Variants in STX5 observed in about 807,000 individuals in gnomAD.
STX5 encodes the protein syntaxin-5.
In STX5, 15 loss-of-function variants were observed where a neutral mutation model predicts 42.9. The ratio of observed to expected loss-of-function variants is 0.35; its 90% CI spans 0.23 to 0.54. STX5 has a LOEUF of 0.54. Among genes scored for constraint, STX5 ranks in the 20% least tolerant of loss-of-function variants. The pLI is 0.91. For synonymous variants in STX5, 184 were observed against 173.2 expected, an observed-to-expected ratio of 1.06 and a Z score of -0.49; for missense variants, 430 against 455.0, an observed-to-expected ratio of 0.95 and a Z score of 0.50.
chr11:62,811,599 T>A (rs913137642), intron 10 of STX5, among the ~76,000 whole-genome samples: 3 of 152,080 alleles, frequency 2.0e-5, no homozygotes, highest in Non-Finnish European at 4.4e-5. Flanking sequence ...TTGGTATCAC[T>A]TCTGGGAAGG....
intron 10 of STX5, among the ~76,000 whole-genome samples, chr11:62,809,648 T>C (rs2084593438): frequency 9.2e-6 from 1 of 108,284 alleles, no homozygotes; most frequent in Non-Finnish European, 1.7e-5. Flanking sequence ...CACTCCAGCC[T>C]GGGAAACAGA....
At position 62,807,415 on chromosome 11, in the gene STX5, T is replaced by G; in HGVS notation, c.*54A>C. The G allele has an allele frequency of 6.3e-7, 1 of 1,590,954 alleles. No individual in the cohort carries two copies. Among genetic ancestry groups the G allele is most frequent in the East Asian group, 2.3e-5 (1 of 44,386 alleles). ...AGGCTCAGTGGCAGCACTGGCCACT[T>G]GCCTTCCCAGGAGGGTCCCAAACCC... is the stretch of plus-strand genomic sequence containing the variant. On this transcript the variant is annotated 3_prime_UTR_variant, in exon 11 of 11. Transcript: ENST00000294179.
At chr11:62,820,533 T>G (rs74936508) in intron 10 of STX5, among the ~76,000 whole-genome samples, 1 of 151,578 alleles carries the variant, frequency 6.6e-6, no homozygotes, top group South Asian at 2.1e-4. Flanking sequence ...TTTTTTTTTT[T>G]TGAGATGGAG....
In STX5 at chr11:62,831,171, C is replaced by T. The variant is rs568856601; in HGVS notation, c.73G>A (p.Val25Ile). 1.9e-6 allele frequency: 3 copies of T among 1,564,144 alleles called. No individual in the cohort carries two copies. The highest frequency in any genetic ancestry group is 2.7e-5 in the African/African-American group (2 of 74,342). Reference sequence around the variant, plus strand: ...CTGCCAGCAGTTGCAGGGGACAGGACCTGTGTCTTTGAGAGACCCAGGTAG... The same window carrying T: ...CTGCCAGCAGTTGCAGGGGACAGGATCTGTGTCTTTGAGAGACCCAGGTAG... ...GVYLGLSKTQ[V>I]LSPATAGSSS... The change falls in exon 2 of 11, where the codon GTC (valine) becomes ATC (isoleucine). Residue 25 changes from valine (V) to isoleucine (I), a missense_variant. Transcript: ENST00000294179.
intron 10 of STX5, among the ~76,000 whole-genome samples, chr11:62,812,308 C>A (rs1003305037): frequency 4.0e-5 from 6 of 151,650 alleles, no homozygotes; most frequent in Admixed American, 3.9e-4. Context: ...AACTCTGGAC[C>A]TCAGGTGGTC....
At chr11:62,813,492 G>A (rs567768175) in intron 10 of STX5, among the ~76,000 whole-genome samples, 4 of 152,256 alleles carry the variant, frequency 2.6e-5, no homozygotes, top group Middle Eastern at 3.4e-3. Flanking sequence ...CACATCTCTC[G>A]AATCAGAATC....
intron 10 of STX5, among the ~76,000 whole-genome samples, chr11:62,810,437 G>C (rs555980814): frequency 1.5e-3 from 232 of 152,192 alleles, no homozygotes; most frequent in Middle Eastern, 3.4e-3. Flanking sequence ...GTGTCACCTT[G>C]TCTCAAAAGA....
intron 1 of STX5, among the ~76,000 whole-genome samples, chr11:62,831,628 G>C (rs1317421664): frequency 6.6e-6 from 1 of 152,204 alleles, no homozygotes; most frequent in Non-Finnish European, 1.5e-5. Flanking sequence ...GCCCCTCCGG[G>C]AGGGCCAGTG....
intron 10 of STX5, among the ~76,000 whole-genome samples, chr11:62,823,227 C>T (rs1309995261): frequency 2.0e-5 from 3 of 151,560 alleles, no homozygotes; most frequent in Admixed American, 6.6e-5. Flanking sequence ...CAGACTGGAG[C>T]GCAGTGGTTC....
Position 62,827,439 on chromosome 11 carries a change from C to A in STX5, c.297-41G>T, listed in dbSNP as rs781115405. On this transcript the variant is annotated intron_variant, in intron 3 of 10. Transcript: ENST00000294179. ...AGTCAGACTGTGGGAAAGGGCAGGA[C>A]GCCTTTTCCCACATAAGCTCCAGCA... The A allele has an allele frequency of 3.7e-6, 6 of 1,613,076 alleles. No individual in the cohort carries two copies. The South Asian group carries it at 6.6e-5, about 18-fold the overall frequency.
intron 10 of STX5, among the ~76,000 whole-genome samples, chr11:62,818,873 A>G (rs1343002861): frequency 6.6e-6 from 1 of 151,430 alleles, no homozygotes; most frequent in Non-Finnish European, 1.5e-5. Context: ...GTTAAAAAAA[A>G]GAAAAAACAA....
At chr11:62,817,936 T>C (rs2084693424) in intron 10 of STX5, among the ~76,000 whole-genome samples, 1 of 152,062 alleles carries the variant, frequency 6.6e-6, no homozygotes, top group Admixed American at 6.6e-5. Context: ...AAAGTAATAA[T>C]AGCCAAATAC....
intron 1 of STX5, 120 bp from the exon 2 acceptor site, chr11:62,831,382 G>A (rs900062989): frequency 1.8e-5 from 14 of 775,906 alleles, no homozygotes; most frequent in African/African-American, 1.7e-4. Flanking sequence ...TCGCGCCCAG[G>A]ACGCTCGCAA....
chr11:62,820,655 C>T (rs570376261), intron 10 of STX5, among the ~76,000 whole-genome samples: 1 of 151,460 alleles, frequency 6.6e-6, no homozygotes, highest in East Asian at 2.0e-4. Context: ...TGCGCAGGTA[C>T]CCACTACCAC....
chr11:62,815,154 C>T (rs58003814), intron 10 of STX5, among the ~76,000 whole-genome samples: 3,150 of 150,770 alleles, frequency 0.021, 119 homozygotes, highest in African/African-American at 0.073. Context: ...ACTACAGGCA[C>T]GCAGCACCAC....
At chr11:62,831,873 C>T (rs1055052419) in intron 1 of STX5, 81 bp downstream of exon 1, 1 of 456,718 alleles carries the variant, frequency 2.2e-6, no homozygotes, top group Non-Finnish European at 4.4e-6. Context: ...GATTCCCTTC[C>T]CCCCGCCAGT....
intron 10 of STX5, chr11:62,808,140 C>T: frequency 6.4e-6 from 1 of 156,158 alleles, no homozygotes; most frequent in South Asian, 1.8e-4. Flanking sequence ...AAAAAAAGCT[C>T]TATGGCCAAC....
At chr11:62,816,872 C>A (rs1228657639) in intron 10 of STX5, among the ~76,000 whole-genome samples, 2 of 151,380 alleles carry the variant, frequency 1.3e-5, no homozygotes. Context: ...TCCAGCCTGG[C>A]AACACAGCAA....
At chr11:62,827,872 A>G (rs1265678596) in intron 2 of STX5, among the ~76,000 whole-genome samples, 1 of 151,950 alleles carries the variant, frequency 6.6e-6, no homozygotes, top group Non-Finnish European at 1.5e-5. Context: ...AAAACATTCT[A>G]AATCTCTACT....
Sources: allele counts gnomAD v4.1 joint callset (sites outside exome capture counted in the v4.1 genomes callset), GRCh38; gene constraint gnomAD v4.1.1; transcripts MANE v1.5; gene names NCBI Gene and HGNC (gene_info 2026-07-23, HGNC 2026-07-21).